Variants in TASOR2 observed in about 807,000 individuals in gnomAD.
The protein encoded by TASOR2 is transcription activation suppressor family member 2, also known as protein TASOR 2.
Under a neutral mutation model 199.5 loss-of-function variants are expected in TASOR2, and 84 were observed. That is an observed-to-expected ratio of 0.42 (90% CI 0.35 to 0.50). The LOEUF (loss-of-function observed/expected upper bound fraction) is 0.50. TASOR2 is among the 20% of genes least tolerant of loss of function. The pLI is 0.02. For missense variants in TASOR2, 2,796 were observed against 2,835.9 expected, an observed-to-expected ratio of 0.99 and a Z score of 0.32; for synonymous variants, 1,103 against 1,046.6, an observed-to-expected ratio of 1.05 and a Z score of -1.04.
exon 15 of TASOR2, chr10:5,747,602 C>T: frequency 6.2e-7 from 1 of 1,614,134 alleles, no homozygotes; most frequent in South Asian, 1.1e-5. Context: ...CCCTTTGATT[C>T]TGTAATTGAA....
chr10:5,756,432 G>C (rs1347732012), intron 15 of TASOR2, among the ~76,000 whole-genome samples, 181 bp from the exon 17 acceptor site: 1 of 152,140 alleles, frequency 6.6e-6, no homozygotes, highest in Admixed American at 6.5e-5. Flanking sequence ...TCTAAGTCCA[G>C]TTGTTAACAA....
At chr10:5,761,094 C>G in intron 18 of TASOR2, 196 bp from the exon 20 acceptor site, 1 of 534,810 alleles carries the variant, frequency 1.9e-6, no homozygotes, top group South Asian at 2.4e-5. Flanking sequence ...AGAATGAGGC[C>G]CATGTTTAAA....
chr10:5,762,784 G>C, intron 20 of TASOR2, 138 bp downstream of exon 21: 1 of 661,046 alleles, frequency 1.5e-6, no homozygotes, highest in East Asian at 2.9e-5. Flanking sequence ...GTTTGTTTAG[G>C]GGTGGAATTG....
At chr10:5,723,743 T>A (rs267602530) in exon 7 of TASOR2, 1 of 1,605,482 alleles carries the variant, frequency 6.2e-7, no homozygotes, top group Non-Finnish European at 8.5e-7. Context: ...TACCAGAGGC[T>A]GCCTTCAGAA....
chr10:5,762,355 G>A (rs1839985215), intron 19 of TASOR2, among the ~76,000 whole-genome samples, 177 bp from the exon 21 acceptor site: 1 of 151,372 alleles, frequency 6.6e-6, no homozygotes, highest in Admixed American at 6.6e-5. Flanking sequence ...ACCCCCGATG[G>A]AGGCATCTAT....
chr10:5,748,420 T>A lies in TASOR2; in HGVS notation c.4999T>A (p.Leu1667Ile). 6.2e-7 allele frequency: 1 copy of A among 1,614,240 alleles called. No individual in the cohort carries two copies. The highest frequency in any genetic ancestry group is 8.5e-7 in the Non-Finnish European group (1 of 1,180,050). ...TTGTTCTTCCTCAGACAATGCTACA[T>A]TAACCCATTATGTAAGACCAATAAA... is the stretch of plus-strand genomic sequence containing the variant. The change falls in exon 15 of 21, where the codon TTA becomes ATA. Residue 1667 changes from leucine to isoleucine, a missense_variant. By Grantham distance (5) the Leu-to-Ile change is conservative (BLOSUM62 2). This residue lies in a region of TASOR2 where 1,941 missense variants were observed against 1,924.9 expected (regional missense o/e 1.01). Transcript: ENST00000328090. This position sits in a 1 kb window ranked among gnomAD's most constrained non-coding sequence, Gnocchi z 5.1.
chr10:5,749,979 G>A (rs906505354), exon 15 of TASOR2: 7 of 1,612,746 alleles, frequency 4.3e-6, no homozygotes, highest in Non-Finnish European at 4.2e-6. Context: ...GTACCTTCCT[G>A]TTCTACCTTG....
chr10:5,686,065 A>T (rs142549646), intron 1 of TASOR2, among the ~76,000 whole-genome samples: 6 of 152,322 alleles, frequency 3.9e-5, no homozygotes, highest in African/African-American at 1.4e-4. Flanking sequence ...TAACGGTGCA[A>T]GAATACCCTT....
chr10:5,684,927 T>C (rs979237992), exon 1 of TASOR2: 1 of 397,756 alleles, frequency 2.5e-6, no homozygotes, highest in Non-Finnish European at 4.4e-6. Flanking sequence ...CCCGTGACCC[T>C]GACGGGAGAC....
rs1377057411 is a variant in TASOR2, at chr10:5,752,842, G to A, written c.6606+2815G>A. Among the ~76,000 whole-genome samples, 1 of 152,226 alleles carries A rather than the reference G, an allele frequency of 6.6e-6. No homozygotes were observed. Among genetic ancestry groups the A allele is most frequent in the East Asian group, 1.9e-4 (1 of 5,188 alleles). On this transcript the variant is annotated intron_variant, in intron 15 of 20. Transcript: ENST00000328090. The surrounding 1 kb of genome is among the most constrained non-coding windows in gnomAD (Gnocchi z 4.4). ...GTCAGCCAGAGGCTCAGGCTGGGCT[G>A]TGGGAGAGAACAGCCTCACGCCTCA...
At chr10:5,716,915 T>C (rs995231528) in intron 2 of TASOR2, among the ~76,000 whole-genome samples, 4 of 146,842 alleles carry the variant, frequency 2.7e-5, no homozygotes, top group South Asian at 2.1e-4. Context: ...TAAATATAAA[T>C]ATATATATAT....
Position 5,733,433 on chromosome 10 carries a change from G to A in TASOR2, c.1205-1871G>A, listed in dbSNP as rs570171639. On this transcript the variant is annotated intron_variant, in intron 11 of 20. Coordinates refer to ENST00000328090, the Ensembl canonical transcript of TASOR2. ...TGAGACACGAGAATCTCTTGAACCT[G>A]GGAGGGAGAGGTTGCAGTGAGCTGC... 1.1e-3 allele frequency among the ~76,000 whole-genome samples: 173 copies of A among 152,262 alleles called. 1 individual carries two copies. In the South Asian group the frequency reaches 0.018, roughly 16 times the overall value.
intron 20 of TASOR2, 109 bp downstream of exon 21, chr10:5,762,755 C>A (rs1271384352): frequency 7.0e-6 from 5 of 712,454 alleles, no homozygotes; most frequent in Admixed American, 5.6e-5. Flanking sequence ...TTACATACTT[C>A]ATGCTATAAA....
At chr10:5,743,887 C>T (rs1261438474) in intron 14 of TASOR2, 1 of 86,758 alleles carries the variant, frequency 1.2e-5, no homozygotes, top group African/African-American at 4.5e-5. Flanking sequence ...AATGCTGTGC[C>T]TGTACTTGAA....
chr10:5,704,816 A>T (rs117980121), intron 1 of TASOR2, among the ~76,000 whole-genome samples: 4,070 of 152,280 alleles, frequency 0.027, 73 homozygotes, highest in South Asian at 0.038. Flanking sequence ...AACCATTTAT[A>T]TGTAGGATTT....
rs969474127 is a variant in TASOR2, at chr10:5,684,876, A to G, written c.-587A>G. On this transcript the variant is annotated 5_prime_UTR_variant, in exon 1 of 21. The change abolishes an upstream ATG in the 5' untranslated region. Coordinates refer to ENST00000328090, the Ensembl canonical transcript of TASOR2. The stretch of plus-strand genomic sequence containing the variant: ...AGCGCCGGTCAGAGAGAAAGTCGGC[A>G]TGTTCTCGCAGGCTGCCGGGCGTCC... 7.8e-5 allele frequency: 30 copies of G among 386,528 alleles called. No individual in the cohort carries two copies. Among genetic ancestry groups the G allele is most frequent in the Non-Finnish European group, 1.2e-4 (26 of 217,710 alleles). The allele number at this position is 386,528 out of a possible 1,614,324, so 23.9% of individuals were successfully genotyped here. A position where few individuals can be genotyped will look rare whatever the true frequency, so the allele number is the denominator to read the frequency against.
intron 14 of TASOR2, among the ~76,000 whole-genome samples, chr10:5,744,293 TTTTTG>T (rs58184617): frequency 0.14 from 20,969 of 150,628 alleles, 1,524 homozygotes; most frequent in South Asian, 0.23. Flanking sequence ...TGACTCTGTT[TTTTTG>T]TTTTGTTTTG....
intron 20 of TASOR2, 156 bp from the exon 22 acceptor site, chr10:5,762,873 G>A: frequency 1.5e-6 from 1 of 677,036 alleles, no homozygotes; most frequent in Non-Finnish European, 2.5e-6. Flanking sequence ...TTTATCTAAT[G>A]TGCATTTTCA....
chr10:5,720,976 T>C lies in TASOR2; in HGVS notation c.146+6T>C, dbSNP rs199815284. ...GCAATGATTCCAACACAGCTGTAAG[T>C]ATTAAATGTTATGTCCTTTACTAAT... On this transcript the variant is annotated splice_donor_region_variant and intron_variant, in intron 6 of 20. Transcript: ENST00000328090. The surrounding 1 kb of genome is among the most constrained non-coding windows in gnomAD (Gnocchi z 5.3). The C allele has an allele frequency of 2.5e-6, 4 of 1,596,554 alleles. No individual in the cohort carries two copies. In the East Asian group the frequency reaches 6.7e-5, roughly 27 times the overall value.
Sources: allele counts gnomAD v4.1 joint callset (sites outside exome capture counted in the v4.1 genomes callset), GRCh38; gene constraint gnomAD v4.1.1; regional missense constraint gnomAD v4.1.1; non-coding constraint Gnocchi (gnomAD v3.1); transcripts MANE v1.5; gene names NCBI Gene and HGNC (gene_info 2026-07-23, HGNC 2026-07-21).